Variants in ZNRD2 observed in about 807,000 individuals in gnomAD.
ZNRD2 encodes zinc ribbon domain containing 2.
Under a neutral mutation model 22.0 loss-of-function variants are expected in ZNRD2, and 16 were observed. The ratio of observed to expected loss-of-function variants is 0.73; its 90% CI spans 0.49 to 1.11. The LOEUF is 1.11. Among genes scored for constraint, ZNRD2 ranks in the 50% least tolerant of loss-of-function variants. The pLI is 0.00. For synonymous variants in ZNRD2, 105 were observed against 109.8 expected (o/e 0.96, Z 0.27); for missense variants, 269 against 258.9 (o/e 1.04, Z -0.27).
At position 65,571,690 on chromosome 11, in the gene ZNRD2, G is replaced by A. The variant is rs1190999960; in HGVS notation, c.556G>A (p.Ala186Thr). ...CATCCAGCTGTGTGGCCTTATCCGC[G>A]CATGTGCGGAGGCCCTGCGCAGCCT... Reference protein sequence around the residue: ...TSIQLCGLIRACAEALRSLQQ... With the variant: ...TSIQLCGLIRTCAEALRSLQQ... Residue 186 changes from alanine (A) to threonine (T), a missense_variant, in exon 4 of 4, where the codon GCA (alanine) becomes ACA (threonine). Coordinates refer to ENST00000309328, the MANE Select transcript of ZNRD2 (RefSeq NM_006396.3). 2 of 1,613,670 alleles carry A rather than the reference G, an allele frequency of 1.2e-6. No homozygotes were observed. Among genetic ancestry groups the A allele is most frequent in the Non-Finnish European group, 8.5e-7 (1 of 1,179,860 alleles).
In ZNRD2 at chr11:65,570,483, A is replaced by G; in HGVS notation, c.-9A>G. 4 of 1,613,464 alleles carry G rather than the reference A, an allele frequency of 2.5e-6. No individual in the cohort carries two copies. The highest frequency in any genetic ancestry group is 3.4e-6 in the Non-Finnish European group (4 of 1,179,946). ...CACTTCCTGTGAGCCCGGCGGTGAC[A>G]ACGGCAACATGGCCCTGAACGGAGC... On this transcript the variant is annotated 5_prime_UTR_variant, in exon 1 of 4. Transcript: ENST00000309328.
At position 65,570,637 on chromosome 11, in the gene ZNRD2, A is replaced by G; in HGVS notation, c.53A>G (p.Glu18Gly). The change falls in exon 2 of 4, where the codon GAG becomes GGG. Residue 18 changes from glutamate to glycine, a missense_variant. Glu to Gly is a moderately conservative substitution (Grantham distance 98). Transcript: ENST00000309328. ...VDDFSWEPPT[E>G]AETKVLQARR... Reference sequence around the variant, plus strand: ...GACTTCTCCTGGGAGCCCCCGACTGAGGCGGAGACGAAGGTGCTGCAGGCG... The same window carrying G: ...GACTTCTCCTGGGAGCCCCCGACTGGGGCGGAGACGAAGGTGCTGCAGGCG... The G allele has an allele frequency of 6.2e-7, 1 of 1,613,906 alleles. No homozygotes were observed. Among genetic ancestry groups the G allele is most frequent in the East Asian group, 2.2e-5 (1 of 44,880 alleles).
Position 65,570,970 on chromosome 11 carries a change from G to A in ZNRD2, c.256G>A (p.Ala86Thr), listed in dbSNP as rs368401218. 4.3e-6 allele frequency: 7 copies of A among 1,613,708 alleles called. No homozygotes were observed. The highest frequency in any genetic ancestry group is 2.2e-5 in the South Asian group (2 of 91,038). ...CTCAGACGTGGATAAAGATAATCCCGGTAAGAGTAAAAAATAATCCGGGAG... is the reference window on the plus strand; with the variant it reads ...CTCAGACGTGGATAAAGATAATCCCAGTAAGAGTAAAAAATAATCCGGGAG... ...LDSDVDKDNPALNAQAALSQA... is the reference protein window; with the variant it reads ...LDSDVDKDNPTLNAQAALSQA... Residue 86 changes from alanine to threonine, a missense_variant and splice_region_variant, in exon 3 of 4, where the codon GCT (alanine) becomes ACT (threonine). Coordinates refer to ENST00000309328, the MANE Select transcript of ZNRD2 (RefSeq NM_006396.3).
At chr11:65,570,541 TG>T (rs1465172187) in intron 1 of ZNRD2, 31 bp downstream of exon 1, 1 of 1,613,914 alleles carries the variant, frequency 6.2e-7, no homozygotes, top group Non-Finnish European at 8.5e-7. Context: ...GGTTTGTGGC[TG>T]TGAGGTACGG....
chr11:65,570,791 T>G (rs866042986), intron 2 of ZNRD2, 36 bp downstream of exon 2: 1 of 1,612,092 alleles, frequency 6.2e-7, no homozygotes, highest in Non-Finnish European at 8.5e-7. Context: ...CGGGGATGGG[T>G]CCGCGGGCCA....
At chr11:65,571,091 G>A (rs774864259) in intron 3 of ZNRD2, 121 bp downstream of exon 3, 15 of 970,004 alleles carry the variant, frequency 1.5e-5, no homozygotes, top group Non-Finnish European at 2.1e-5. Flanking sequence ...CTCTGGGTGG[G>A]GTAGAAGTAA....
At chr11:65,570,998 G>C in intron 3 of ZNRD2, 28 bp downstream of exon 3, 1 of 1,598,846 alleles carries the variant, frequency 6.3e-7, no homozygotes, top group Non-Finnish European at 8.6e-7. Flanking sequence ...TCCGGGAGAG[G>C]GGCCGGATAT....
chr11:65,571,395 G>A lies in ZNRD2; in HGVS notation c.261G>A (p.Leu87=). 2 of 1,589,290 alleles carry A rather than the reference G, an allele frequency of 1.3e-6. No individual in the cohort carries two copies. Among genetic ancestry groups the A allele is most frequent in the South Asian group, 1.1e-5 (1 of 88,992 alleles). Residue 87 remains leucine, a synonymous_variant, in exon 4 of 4, where the codon CTG becomes CTA. Coordinates refer to ENST00000309328, the MANE Select transcript of ZNRD2 (RefSeq NM_006396.3). Reference sequence around the variant, plus strand: ...CCCACTTTCTCCTCTTTTTAGCTCTGAATGCCCAGGCTGCCCTCTCCCAAG... The same window carrying A: ...CCCACTTTCTCCTCTTTTTAGCTCTAAATGCCCAGGCTGCCCTCTCCCAAG... ...DSDVDKDNPA[L]NAQAALSQAR...
chr11:65,571,013 A>AG (rs769776201), intron 3 of ZNRD2, 43 bp downstream of exon 3: 23 of 1,578,322 alleles, frequency 1.5e-5, no homozygotes, highest in South Asian at 1.0e-4. Flanking sequence ...GGATATGCTT[A>AG]GGGGGGAAGC....
At position 65,571,626 on chromosome 11, in the gene ZNRD2, C is replaced by G. The variant is rs1421379056; in HGVS notation, c.492C>G (p.Ala164=). 2 of 1,614,162 alleles carry G rather than the reference C, an allele frequency of 1.2e-6. No homozygotes were observed. Among genetic ancestry groups the G allele is most frequent in the Non-Finnish European group, 8.5e-7 (1 of 1,180,044 alleles). ...CCCTCTTGCAGAAGCTGACCTGGGC[C>G]TCTGCTGAACTGGGCTCTAGCACCT... ...QTALLQKLTW[A]SAELGSSTSL... The change falls in exon 4 of 4, where the codon GCC becomes GCG. Residue 164 remains alanine, a synonymous_variant. Transcript: ENST00000309328.
chr11:65,571,375 T>C lies in ZNRD2; in HGVS notation c.257-16T>C. On this transcript the variant is annotated splice_polypyrimidine_tract_variant and intron_variant, in intron 3 of 3. Transcript: ENST00000309328. ...CAGGCATCCTGACCATTCCACCCACTTTCTCCTCTTTTTAGCTCTGAATGC... is the reference window on the plus strand; with the variant it reads ...CAGGCATCCTGACCATTCCACCCACCTTCTCCTCTTTTTAGCTCTGAATGC... 2 of 1,564,070 alleles carry C rather than the reference T, an allele frequency of 1.3e-6. No individual in the cohort carries two copies. The highest frequency in any genetic ancestry group is 1.7e-6 in the Non-Finnish European group (2 of 1,152,186).
Position 65,571,666 on chromosome 11 carries a change from A to G in ZNRD2, c.532A>G (p.Ile178Val), listed in dbSNP as rs2135186909. The G allele has an allele frequency of 1.2e-6, 2 of 1,614,016 alleles. No individual in the cohort carries two copies. Among genetic ancestry groups the G allele is most frequent in the East Asian group, 4.5e-5 (2 of 44,892 alleles). The stretch of plus-strand genomic sequence containing the variant: ...CTCTAGCACCTCCCTGGAGACTAGC[A>G]TCCAGCTGTGTGGCCTTATCCGCGC... ...LGSSTSLETS[I>V]QLCGLIRACA... Residue 178 changes from isoleucine to valine, a missense_variant, in exon 4 of 4, where the codon ATC becomes GTC. Physicochemically the swap from Ile to Val is conservative, Grantham distance 29 (BLOSUM62 3). Transcript: ENST00000309328.
In ZNRD2 at chr11:65,571,697, C is replaced by T. The variant is rs146243059; in HGVS notation, c.563C>T (p.Ala188Val). The part of the protein sequence containing the change: ...IQLCGLIRAC[A>V]EALRSLQQLQ... The stretch of plus-strand genomic sequence containing the variant: ...CTGTGTGGCCTTATCCGCGCATGTG[C>T]GGAGGCCCTGCGCAGCCTGCAGCAG... The change falls in exon 4 of 4, where the codon GCG (alanine) becomes GTG (valine). Residue 188 changes from alanine (A) to valine (V), a missense_variant. Ala to Val is a moderately conservative substitution (Grantham distance 64). Transcript: ENST00000309328. 1.4e-5 allele frequency: 23 copies of T among 1,613,276 alleles called. No individual in the cohort carries two copies. In the African/African-American group the frequency reaches 2.5e-4, roughly 18 times the overall value.
chr11:65,571,468 C>A lies in ZNRD2; in HGVS notation c.334C>A (p.Arg112=). 1 of 1,613,650 alleles carries A rather than the reference C, an allele frequency of 6.2e-7. No homozygotes were observed. The highest frequency in any genetic ancestry group is 8.5e-7 in the Non-Finnish European group (1 of 1,179,986). The part of the protein sequence containing the change: ...ASASELPLGS[R]PAPQPPVPRP... ...AGCCTCAGAGCTCCCCCTGGGCTCT[C>A]GACCTGCGCCCCAGCCCCCAGTACC... Residue 112 remains arginine, a synonymous_variant, in exon 4 of 4, where the codon CGA becomes AGA. Transcript: ENST00000309328.
Position 65,571,500 on chromosome 11 carries a change from G to A in ZNRD2, c.366G>A (p.Pro122=), listed in dbSNP as rs202164517. 4 of 1,613,828 alleles carry A rather than the reference G, an allele frequency of 2.5e-6. No individual in the cohort carries two copies. Among genetic ancestry groups the A allele is most frequent in the East Asian group, 4.5e-5 (2 of 44,890 alleles). ...CGCCCCAGCCCCCAGTACCTCGTCC[G>A]GAGCACTGTGAGGGAGCTGCAGCAG... ...RPAPQPPVPR[P]EHCEGAAAGL... The change falls in exon 4 of 4, where the codon CCG becomes CCA. Residue 122 remains proline, a synonymous_variant. Coordinates refer to ENST00000309328, the MANE Select transcript of ZNRD2 (RefSeq NM_006396.3).
At position 65,571,836 on chromosome 11, in the gene ZNRD2, C is replaced by A; in HGVS notation, c.*102C>A. ...TGCATGCCAGCCCCAGCTCCACTCA[C>A]CTTTTTCCAGCTTTTGGCCTCTTCA... On this transcript the variant is annotated 3_prime_UTR_variant, in exon 4 of 4. Transcript: ENST00000309328. The A allele has an allele frequency of 6.9e-7, 1 of 1,441,220 alleles. No individual in the cohort carries two copies. The highest frequency in any genetic ancestry group is 9.1e-7 in the Non-Finnish European group (1 of 1,098,786). 89.3% of individuals were successfully genotyped at this position (1,441,220 alleles called of 1,614,324 possible).
In ZNRD2 at chr11:65,571,023, C is replaced by T; in HGVS notation, c.256+53C>T. On this transcript the variant is annotated intron_variant, in intron 3 of 3. Coordinates refer to ENST00000309328, the MANE Select transcript of ZNRD2 (RefSeq NM_006396.3). ...GGGCCGGATATGCTTAGGGGGGAAG[C>T]GTGGTTAAGTGGTGATAGAGGCCCG... The T allele has an allele frequency of 4.5e-6, 7 of 1,551,834 alleles. No homozygotes were observed. The South Asian group carries it at 6.8e-5, about 15-fold the overall frequency.
Position 65,571,707 on chromosome 11 carries a change from G to A in ZNRD2, c.573G>A (p.Leu191=). 1 of 1,611,852 alleles carries A rather than the reference G, an allele frequency of 6.2e-7. No homozygotes were observed. Among genetic ancestry groups the A allele is most frequent in the Non-Finnish European group, 8.5e-7 (1 of 1,178,696 alleles). Residue 191 remains leucine, a synonymous_variant, in exon 4 of 4, where the codon CTG becomes CTA. Transcript: ENST00000309328. ...TTATCCGCGCATGTGCGGAGGCCCTGCGCAGCCTGCAGCAGCTACAGCACT... is the reference window on the plus strand; with the variant it reads ...TTATCCGCGCATGTGCGGAGGCCCTACGCAGCCTGCAGCAGCTACAGCACT... ...CGLIRACAEA[L]RSLQQLQH
chr11:65,570,990 CG>C lies in ZNRD2; in HGVS notation c.256+23del. Reference sequence around the variant, plus strand: ...ATCCCGGTAAGAGTAAAAAATAATCCGGGAGAGGGGCCGGATATGCTTAGGG... The same window carrying C: ...ATCCCGGTAAGAGTAAAAAATAATCCGGAGAGGGGCCGGATATGCTTAGGG... On this transcript the variant is annotated intron_variant, in intron 3 of 3. Coordinates refer to ENST00000309328, the MANE Select transcript of ZNRD2 (RefSeq NM_006396.3). The C allele has an allele frequency of 6.2e-7, 1 of 1,609,788 alleles. No individual in the cohort carries two copies. The highest frequency in any genetic ancestry group is 1.3e-5 in the African/African-American group (1 of 74,916).
Sources: allele counts gnomAD v4.1 joint callset, GRCh38; gene constraint gnomAD v4.1.1; transcripts MANE v1.5; gene names NCBI Gene and HGNC (gene_info 2026-07-23, HGNC 2026-07-21).